The following SLC25A48 variants were observed in gnomAD, a reference collection of about 807,000 sequenced individuals.
The protein encoded by SLC25A48 is solute carrier family 25 member 48.
In SLC25A48, 29 loss-of-function variants were observed where a neutral mutation model predicts 32.2. The observed-to-expected ratio is 0.90, with a 90% CI of 0.67 to 1.23. The LOEUF is 1.23. Ranked by LOEUF, SLC25A48 falls within the 50% of genes most tolerant of loss-of-function variation. The pLI is 0.00. For missense variants in SLC25A48, 399 were observed against 422.7 expected (o/e 0.94, Z 0.49); for synonymous variants, 164 against 172.3 (o/e 0.95, Z 0.38).
intron 3 of SLC25A48, among the ~76,000 whole-genome samples, chr5:135,851,895 G>T (rs184223860): frequency 1.3e-5 from 2 of 152,134 alleles, no homozygotes; most frequent in African/African-American, 4.8e-5. Context: ...CTGTGTGTGC[G>T]CATCCTGTGT....
intron 4 of SLC25A48, among the ~76,000 whole-genome samples, chr5:135,817,776 A>C (rs1757763943): frequency 6.6e-6 from 1 of 152,234 alleles, no homozygotes; most frequent in African/African-American, 2.4e-5. Flanking sequence ...TCTGACAAAG[A>C]ACTTGTATCC....
chr5:135,692,055 C>G (rs527853683), intron 3 of SLC25A48, among the ~76,000 whole-genome samples: 1 of 152,136 alleles, frequency 6.6e-6, no homozygotes, highest in African/African-American at 2.4e-5. Flanking sequence ...CGGTGGCTCA[C>G]ACCTGTAATC....
At chr5:135,680,922 C>T (rs775816780) in intron 3 of SLC25A48, among the ~76,000 whole-genome samples, 10 of 152,140 alleles carry the variant, frequency 6.6e-5, no homozygotes, top group Non-Finnish European at 1.5e-4. Context: ...TGTCTCACAG[C>T]CCATTGATTT....
chr5:135,756,985 TATC>T (rs962590134), intron 3 of SLC25A48, among the ~76,000 whole-genome samples: 70 of 150,810 alleles, frequency 4.6e-4, no homozygotes, highest in African/African-American at 1.6e-3. Flanking sequence ...GTTAATAAAA[TATC>T]ATCTATATAA....
intron 3 of SLC25A48, among the ~76,000 whole-genome samples, chr5:135,706,287 C>G (rs771789614): frequency 9.9e-5 from 15 of 152,200 alleles, no homozygotes; most frequent in Non-Finnish European, 2.2e-4. Context: ...TTTACACCTT[C>G]TCTGCCCTTG....
intron 2 of SLC25A48, among the ~76,000 whole-genome samples, chr5:135,630,552 G>A (rs1752532395): frequency 7.2e-6 from 1 of 138,408 alleles, no homozygotes; most frequent in South Asian, 2.6e-4. Context: ...GGAAGGATAA[G>A]AGATGAAAGC....
At chr5:135,753,312 A>G (rs1194640911) in intron 3 of SLC25A48, among the ~76,000 whole-genome samples, 2 of 151,862 alleles carry the variant, frequency 1.3e-5, no homozygotes, top group African/African-American at 2.4e-5. Flanking sequence ...TTGAGAAATT[A>G]TGCATAATAA....
In SLC25A48 at chr5:135,765,720, A is replaced by G. The variant is rs201487283; in HGVS notation, c.-520-46803A>G. 1.4e-4 allele frequency among the ~76,000 whole-genome samples: 21 copies of G among 151,602 alleles called. No homozygotes were observed. The East Asian group carries it at 3.7e-3, about 27-fold the overall frequency. On this transcript the variant is annotated intron_variant, in intron 3 of 10. Coordinates refer to the SLC25A48 transcript ENST00000646290. ...GGGGAAGAGGGTGATATTAGTTTCT[A>G]TATCACAGAGGGTGTACACCTACCT... is the stretch of plus-strand genomic sequence containing the variant.
chr5:135,666,203 T>C (rs1205022153), intron 3 of SLC25A48, among the ~76,000 whole-genome samples: 1 of 152,170 alleles, frequency 6.6e-6, no homozygotes, highest in East Asian at 1.9e-4. Context: ...ACTTCACGTC[T>C]CAGTGTCCCA....
At chr5:135,856,245 A>G (rs973391942) in intron 4 of SLC25A48, among the ~76,000 whole-genome samples, 1 of 152,068 alleles carries the variant, frequency 6.6e-6, no homozygotes, top group Admixed American at 6.5e-5. Flanking sequence ...TTCCTGTGTA[A>G]TGGAAGAAAT....
intron 3 of SLC25A48, among the ~76,000 whole-genome samples, chr5:135,727,084 G>A (rs1755107152): frequency 6.6e-6 from 1 of 151,474 alleles, no homozygotes; most frequent in Non-Finnish European, 1.5e-5. Flanking sequence ...TGTGTGTATT[G>A]GTCATCTGTA....
At chr5:135,627,377 TC>T (rs1220417100) in intron 1 of SLC25A48, among the ~76,000 whole-genome samples, 3 of 152,132 alleles carry the variant, frequency 2.0e-5, no homozygotes, top group Admixed American at 6.5e-5. Context: ...CCCCTCTCTC[TC>T]AATCTGTGGG....
rs1758352584 is a variant in SLC25A48 at position 135,834,743 on chromosome 5, G to A, written c.-105G>A. The A allele has an allele frequency of 8.7e-6, 11 of 1,267,508 alleles. No individual in the cohort carries two copies. The highest frequency in any genetic ancestry group is 1.2e-5 in the Non-Finnish European group (11 of 926,448). The allele number at this position is 1,267,508 out of a possible 1,614,324, so 78.5% of individuals were successfully genotyped here. On this transcript the variant is annotated 5_prime_UTR_variant, in exon 1 of 8. Transcript: ENST00000681962. ...GGAGTAGGACCTGCGGCGTGCTCGAGACTCCGACTTCGGTCTTGCGGCGCG... is the reference window on the plus strand; with the variant it reads ...GGAGTAGGACCTGCGGCGTGCTCGAAACTCCGACTTCGGTCTTGCGGCGCG...
intron 3 of SLC25A48, among the ~76,000 whole-genome samples, chr5:135,687,201 T>C (rs1304697275): frequency 6.6e-6 from 1 of 151,922 alleles, no homozygotes; most frequent in East Asian, 1.9e-4. Context: ...CATTAAAGAA[T>C]CTTATTTACT....
intron 4 of SLC25A48, among the ~76,000 whole-genome samples, chr5:135,867,167 C>T (rs879428500): frequency 3.3e-5 from 5 of 152,152 alleles, no homozygotes; most frequent in Non-Finnish European, 7.3e-5. Flanking sequence ...AGGTACACTT[C>T]GCTTGAGAAG....
At chr5:135,628,826 G>A (rs1004475119) in intron 1 of SLC25A48, among the ~76,000 whole-genome samples, 2 of 152,126 alleles carry the variant, frequency 1.3e-5, no homozygotes, top group Non-Finnish European at 2.9e-5. Context: ...TGTCAGAGGC[G>A]TCATTACCAA....
intron 3 of SLC25A48, among the ~76,000 whole-genome samples, chr5:135,753,300 T>C (rs1056910989): frequency 6.6e-6 from 1 of 151,904 alleles, no homozygotes; most frequent in Non-Finnish European, 1.5e-5. Flanking sequence ...AACAGTAATA[T>C]CTTGAGAAAT....
chr5:135,721,139 T>G (rs1754942520), intron 3 of SLC25A48, among the ~76,000 whole-genome samples: 1 of 149,050 alleles, frequency 6.7e-6, no homozygotes, highest in African/African-American at 2.5e-5. Flanking sequence ...CCTCCTGGGT[T>G]CAAGCGATTC....
rs116443763 is a variant in SLC25A48, at chr5:135,800,536, A to T, written c.-520-11987A>T. Among the ~76,000 whole-genome samples the T allele has an allele frequency of 8.2e-3, 1,249 of 151,942 alleles. 17 individuals carry two copies. The highest frequency in any genetic ancestry group is 0.029 in the African/African-American group (1,195 of 41,470). ...CGCAGGGGGTGTACACCCCGCCTGT[A>T]GTATAATTCCTATATCCAGAGGAAG... On this transcript the variant is annotated intron_variant, in intron 3 of 10. Coordinates refer to the SLC25A48 transcript ENST00000646290.
Sources: gnomAD v4.1 joint callset for allele counts (sites outside exome capture counted in the v4.1 genomes callset) on GRCh38, gnomAD v4.1.1 for gene constraint, MANE v1.5 for transcripts, NCBI Gene and HGNC (gene_info 2026-07-23, HGNC 2026-07-21) for gene names.